Variants in SMAD4 observed in about 807,000 individuals in gnomAD.
SMAD4 encodes the protein SMAD family member 4.
SMAD4 carries 7 observed loss-of-function variants against 63.2 expected under a neutral mutation model. The ratio of observed to expected loss-of-function variants is 0.11; its 90% CI spans 0.06 to 0.21. The LOEUF is 0.21. Ranked by LOEUF, SMAD4 falls within the 10% of genes least tolerant of loss-of-function variation. SMAD4 has a pLI of 1.00. For synonymous variants in SMAD4, 215 were observed against 235.4 expected (o/e 0.91, Z 0.79); for missense variants, 312 against 693.8 (o/e 0.45, Z 6.18).
At chr18:51,073,282 G>T (rs1910365446) in intron 10 of SMAD4, among the ~76,000 whole-genome samples, 1 of 149,320 alleles carries the variant, frequency 6.7e-6, no homozygotes, top group Non-Finnish European at 1.5e-5. Flanking sequence ...ACTCGTGGGG[G>T]TGGGGGAGTG....
At chr18:51,076,610 C>G (rs2144473331) in intron 10 of SMAD4, 28 bp from the exon 11 acceptor site, 1 of 1,606,480 alleles carries the variant, frequency 6.2e-7, no homozygotes, top group Non-Finnish European at 8.5e-7. Flanking sequence ...TTTATGAACT[C>G]ATAGTATGAA....
At chr18:51,035,325 A>C (rs941525221) in intron 1 of SMAD4, among the ~76,000 whole-genome samples, 2 of 152,158 alleles carry the variant, frequency 1.3e-5, no homozygotes, top group African/African-American at 4.8e-5. Context: ...TATATTCTCA[A>C]ATGCTTACTT....
chr18:51,060,193 G>T (rs1228845607), intron 8 of SMAD4, among the ~76,000 whole-genome samples: 3 of 152,180 alleles, frequency 2.0e-5, no homozygotes, highest in Non-Finnish European at 4.4e-5. Flanking sequence ...ACATAAATAT[G>T]CAGCAGAATA....
At chr18:51,051,277 G>C (rs1909704633) in intron 4 of SMAD4, 1 of 440,772 alleles carries the variant, frequency 2.3e-6, no homozygotes, top group Non-Finnish European at 4.5e-6. Flanking sequence ...TATAGTGACT[G>C]TAGGGCTGTA....
intron 1 of SMAD4, among the ~76,000 whole-genome samples, chr18:51,045,244 A>G (rs1419787516): frequency 6.6e-6 from 1 of 152,228 alleles, no homozygotes; most frequent in Non-Finnish European, 1.5e-5. Context: ...TGATACTTTA[A>G]CAAAGGTCTT....
At position 51,083,150 on chromosome 18, in the gene SMAD4, A is replaced by G. The variant is rs530890237; in HGVS notation, c.*4683A>G. 4.4e-6 allele frequency: 1 copy of G among 226,222 alleles called. No homozygotes were observed. Among genetic ancestry groups the G allele is most frequent in the East Asian group, 6.4e-5 (1 of 15,656 alleles). The allele number at this position is 226,222 out of a possible 1,614,324, so 14.0% of individuals were successfully genotyped here. On this transcript the variant is annotated 3_prime_UTR_variant, in exon 12 of 12. Coordinates refer to ENST00000342988, the MANE Select transcript of SMAD4 (RefSeq NM_005359.6). ...TGCTGCTCTTACAAAAACTGGGGTT[A>G]CAAGGGTTACTAAATTAGCATCAGT...
chr18:51,062,562 G>T (rs1390563433), intron 8 of SMAD4, among the ~76,000 whole-genome samples: 4 of 151,916 alleles, frequency 2.6e-5, no homozygotes, highest in Non-Finnish European at 5.9e-5. Context: ...GTGCAGTCAT[G>T]CAATTCGGCT....
intron 8 of SMAD4, among the ~76,000 whole-genome samples, chr18:51,060,253 A>G (rs1381787559): frequency 1.3e-5 from 2 of 152,248 alleles, no homozygotes; most frequent in East Asian, 3.8e-4. Flanking sequence ...TTAAAAAGCC[A>G]GGAAAGAATC....
At chr18:51,067,926 A>G (rs1395508661) in intron 10 of SMAD4, among the ~76,000 whole-genome samples, 2 of 152,214 alleles carry the variant, frequency 1.3e-5, no homozygotes, top group African/African-American at 4.8e-5. Context: ...TATATATTCA[A>G]CCTGTTTGAA....
rs76019912 is a variant in SMAD4 at position 51,041,685 on chromosome 18, T to C, written c.-127-5235T>C. ...AAGTGGTAGCCTTTAAAAGAAGATA[T>C]ATGAGCTGTCCTATCCCTTCTCCTG... On this transcript the variant is annotated intron_variant, in intron 1 of 11. Coordinates refer to ENST00000342988, the MANE Select transcript of SMAD4 (RefSeq NM_005359.6). Among the ~76,000 whole-genome samples the C allele has an allele frequency of 3.4e-3, 521 of 152,300 alleles. 7 individuals carry two copies. The East Asian group carries it at 0.043, about 13-fold the overall frequency.
At chr18:51,078,169 A>G in intron 11 of SMAD4, 87 bp from the exon 12 acceptor site, 1 of 1,089,900 alleles carries the variant, frequency 9.2e-7, no homozygotes, top group Non-Finnish European at 1.4e-6. Flanking sequence ...AAATACAGAA[A>G]GCTGGTCACT....
intron 10 of SMAD4, among the ~76,000 whole-genome samples, chr18:51,074,164 A>G (rs2144468531): frequency 6.6e-6 from 1 of 151,448 alleles, no homozygotes; most frequent in East Asian, 2.0e-4. Context: ...GCTTGAGCGC[A>G]GGAGTAGTTC....
intron 3 of SMAD4, 44 bp from the exon 4 acceptor site, chr18:51,049,251 G>T (rs1207992466): frequency 7.4e-7 from 1 of 1,359,836 alleles, no homozygotes; most frequent in East Asian, 2.3e-5. Context: ...TACTTTCATT[G>T]TAATGATTAA....
rs1419101937 is a variant in SMAD4 at position 51,081,408 on chromosome 18, A to T, written c.*2941A>T. ...GGGAGTAGATCGTGGGATATAGTCT[A>T]TCTCATTTTTAATAGTTTACCGCCC... On this transcript the variant is annotated 3_prime_UTR_variant, in exon 12 of 12. Coordinates refer to ENST00000342988, the MANE Select transcript of SMAD4 (RefSeq NM_005359.6). 1 of 230,100 alleles carries T rather than the reference A, an allele frequency of 4.3e-6. No individual in the cohort carries two copies. The highest frequency in any genetic ancestry group is 2.2e-5 in the African/African-American group (1 of 45,126). The allele number at this position is 230,100 out of a possible 1,614,324, so 14.3% of individuals were successfully genotyped here. A position where few individuals can be genotyped will look rare whatever the true frequency, so the allele number is the denominator to read the frequency against.
At chr18:51,037,043 C>T (rs1350582468) in intron 1 of SMAD4, among the ~76,000 whole-genome samples, 1 of 152,058 alleles carries the variant, frequency 6.6e-6, no homozygotes, top group African/African-American at 2.4e-5. Context: ...GCCTGTAATC[C>T]CAGCTACTCA....
rs373831598 is a variant in SMAD4 at position 51,082,338 on chromosome 18, AT to A, written c.*3878del. The stretch of plus-strand genomic sequence containing the variant: ...ATGACAATCTTGTTCAAGCCTTTCC[AT>A]TTTTTTCCCTGATAACTAAGTAATT... On this transcript the variant is annotated 3_prime_UTR_variant, in exon 12 of 12. Coordinates refer to ENST00000342988, the MANE Select transcript of SMAD4 (RefSeq NM_005359.6). The A allele has an allele frequency of 4.4e-6, 1 of 227,652 alleles. No individual in the cohort carries two copies. The highest frequency in any genetic ancestry group is 6.3e-5 in the East Asian group (1 of 15,810). 14.1% of individuals were successfully genotyped at this position (227,652 alleles called of 1,614,324 possible). A position where few individuals can be genotyped will look rare whatever the true frequency, so the allele number is the denominator to read the frequency against.
intron 8 of SMAD4, among the ~76,000 whole-genome samples, chr18:51,061,435 C>G (rs1910010589): frequency 6.6e-6 from 1 of 152,196 alleles, no homozygotes; most frequent in Admixed American, 6.5e-5. Context: ...TTAGATCCCA[C>G]AGATAAGAAC....
At chr18:51,047,884 C>G (rs1456328967) in intron 2 of SMAD4, among the ~76,000 whole-genome samples, 1 of 152,210 alleles carries the variant, frequency 6.6e-6, no homozygotes, top group East Asian at 1.9e-4. Flanking sequence ...TCTGGCATTA[C>G]AGGCGTGAGC....
chr18:51,038,250 G>T (rs1568200448), intron 1 of SMAD4, among the ~76,000 whole-genome samples: 2 of 91,744 alleles, frequency 2.2e-5, no homozygotes. Context: ...GAGCGAGACT[G>T]TGGGGGGGGG....
Sources: gnomAD v4.1 joint callset for allele counts (sites outside exome capture counted in the v4.1 genomes callset) on GRCh38, gnomAD v4.1.1 for gene constraint, MANE v1.5 for transcripts, NCBI Gene and HGNC (gene_info 2026-07-23, HGNC 2026-07-21) for gene names.